Variants in IFT88 observed in about 807,000 individuals in gnomAD.
The protein encoded by IFT88 is intraflagellar transport protein 88 homolog.
Under a neutral mutation model 119.5 loss-of-function variants are expected in IFT88, and 74 were observed. The ratio of observed to expected loss-of-function variants is 0.62; its 90% CI spans 0.51 to 0.75. IFT88 has a LOEUF of 0.75. Ranked by LOEUF, IFT88 falls within the 30% of genes least tolerant of loss-of-function variation. IFT88 has a pLI of 0.00. For synonymous variants in IFT88, 279 were observed against 316.7 expected (o/e 0.88, Z 1.26); for missense variants, 961 against 977.7 (o/e 0.98, Z 0.23).
chr13:20,652,521 C>G (rs2140506677), intron 20 of IFT88, among the ~76,000 whole-genome samples: 1 of 151,798 alleles, frequency 6.6e-6, no homozygotes. Context: ...GTGGTCCCAG[C>G]TACTTGGGAG....
intron 22 of IFT88, among the ~76,000 whole-genome samples, chr13:20,663,066 CTTAA>C (rs993358967): frequency 4.6e-5 from 7 of 152,144 alleles, no homozygotes; most frequent in Non-Finnish European, 8.8e-5. Flanking sequence ...GTGAATAATA[CTTAA>C]TTTAAAAATG....
chr13:20,658,532 T>C (rs993393447), intron 22 of IFT88, among the ~76,000 whole-genome samples: 14 of 152,346 alleles, frequency 9.2e-5, no homozygotes, highest in Admixed American at 2.0e-4. Flanking sequence ...ACTAGTGCTT[T>C]AGAGATTAAA....
intron 7 of IFT88, among the ~76,000 whole-genome samples, chr13:20,595,399 C>T (rs1294641048): frequency 6.6e-6 from 1 of 151,964 alleles, no homozygotes; most frequent in Non-Finnish European, 1.5e-5. Context: ...GCAATATTCT[C>T]CTGCCTCAGC....
chr13:20,670,334 T>C (rs1310810345), intron 23 of IFT88, among the ~76,000 whole-genome samples: 1 of 152,100 alleles, frequency 6.6e-6, no homozygotes. Context: ...ACAAAAATTC[T>C]AATACTTAGG....
intron 7 of IFT88, among the ~76,000 whole-genome samples, chr13:20,593,327 G>A (rs1326860343): frequency 6.6e-6 from 1 of 152,106 alleles, no homozygotes; most frequent in Non-Finnish European, 1.5e-5. Flanking sequence ...TATGAAAACA[G>A]AGCTATTATT....
At chr13:20,598,352 C>T (rs1362071991) in intron 9 of IFT88, among the ~76,000 whole-genome samples, 1 of 152,098 alleles carries the variant, frequency 6.6e-6, no homozygotes, top group African/African-American at 2.4e-5. Context: ...TGATCACCAG[C>T]AGCATTAATG....
At chr13:20,579,216 G>A (rs1453700824) in intron 2 of IFT88, among the ~76,000 whole-genome samples, 1 of 152,172 alleles carries the variant, frequency 6.6e-6, no homozygotes, top group Non-Finnish European at 1.5e-5. Flanking sequence ...AGCCAGGCTT[G>A]TATCCTTCCC....
chr13:20,577,145 C>A (rs188051747), intron 2 of IFT88, among the ~76,000 whole-genome samples: 2 of 152,038 alleles, frequency 1.3e-5, no homozygotes, highest in Non-Finnish European at 2.9e-5. Context: ...GGATTACTTT[C>A]GTGATTTATT....
At chr13:20,632,355 A>C (rs1376524002) in intron 16 of IFT88, among the ~76,000 whole-genome samples, 1 of 152,174 alleles carries the variant, frequency 6.6e-6, no homozygotes, top group African/African-American at 2.4e-5. Context: ...ATAACTGTTC[A>C]TGCTGAGGTT....
At chr13:20,656,777 A>C (rs2052874641) in intron 22 of IFT88, among the ~76,000 whole-genome samples, 1 of 152,234 alleles carries the variant, frequency 6.6e-6, no homozygotes, top group South Asian at 2.1e-4. Context: ...TTAACTGTCC[A>C]TTTTAGTAAA....
intron 24 of IFT88, among the ~76,000 whole-genome samples, chr13:20,685,254 G>T (rs183319327): frequency 8.5e-5 from 13 of 152,072 alleles, no homozygotes; most frequent in Admixed American, 2.0e-4. Flanking sequence ...TCCCGGGGGT[G>T]GGGGGGCCAG....
chr13:20,691,057 C>T lies in IFT88; in HGVS notation c.2357C>T (p.Ala786Val), dbSNP rs1320956544. 3 of 1,612,474 alleles carry T rather than the reference C, an allele frequency of 1.9e-6. No individual in the cohort carries two copies. The highest frequency in any genetic ancestry group is 2.2e-5 in the East Asian group (1 of 44,888). Reference sequence around the variant, plus strand: ...TGACAATCTCTTCGAAACCTAGATGCCTCCTATGTGGACCCACTTGGCCCT... The same window carrying T: ...TGACAATCTCTTCGAAACCTAGATGTCTCCTATGTGGACCCACTTGGCCCT... ...YESSSNKEID[A>V]SYVDPLGPQI... Residue 786 changes from alanine to valine, a missense_variant, in exon 26 of 26, where the codon GCC (alanine) becomes GTC (valine). Transcript: ENST00000351808.
intron 18 of IFT88, chr13:20,642,479 C>CCG (rs2050102132): frequency 6.6e-6 from 1 of 152,028 alleles, no homozygotes; most frequent in Non-Finnish European, 1.5e-5. Context: ...TGGCAGGCAC[C>CCG]TGTAATCCCA....
Position 20,598,649 on chromosome 13 carries a change from A to C in IFT88, c.595-2A>C. On this transcript the variant is annotated splice_acceptor_variant, in intron 9 of 25. Coordinates refer to ENST00000351808, the MANE Select transcript of IFT88 (RefSeq NM_006531.5). LOFTEE classifies it high-confidence loss of function. Reference sequence around the variant, plus strand: ...TCTTTTCTATAATATTTTCTTCCTTAGGTTCTTTTCAATTTGGCCAGTCAG... The same window carrying C: ...TCTTTTCTATAATATTTTCTTCCTTCGGTTCTTTTCAATTTGGCCAGTCAG... 2 of 1,572,848 alleles carry C rather than the reference A, an allele frequency of 1.3e-6. No homozygotes were observed. The highest frequency in any genetic ancestry group is 1.7e-6 in the Non-Finnish European group (2 of 1,143,636).
At chr13:20,595,091 T>G (rs1473902062) in intron 7 of IFT88, among the ~76,000 whole-genome samples, 3 of 152,150 alleles carry the variant, frequency 2.0e-5, no homozygotes, top group Admixed American at 6.5e-5. Flanking sequence ...TTTAAACTTC[T>G]TCACCTCATT....
intron 1 of IFT88, among the ~76,000 whole-genome samples, chr13:20,571,602 A>G (rs2036377757): frequency 6.6e-6 from 1 of 152,196 alleles, no homozygotes; most frequent in African/African-American, 2.4e-5. Context: ...GAAATTTTAC[A>G]TTTTTATTTG....
chr13:20,569,565 T>A (rs2035813424), intron 1 of IFT88, among the ~76,000 whole-genome samples: 1 of 139,384 alleles, frequency 7.2e-6, no homozygotes, highest in East Asian at 2.2e-4. Flanking sequence ...AGAGCGAGAC[T>A]CCGTCCCAAA....
In IFT88 at chr13:20,607,538, G is replaced by A. The variant is rs371586294; in HGVS notation, c.1112+2433G>A. ...GGGAGGCCGCCACGCTGTGCTTCTT[G>A]TTTCAGAACATTTTCTCCAAAAAGA... is the stretch of plus-strand genomic sequence containing the variant. On this transcript the variant is annotated intron_variant, in intron 13 of 25. Transcript: ENST00000351808. 1.5e-3 allele frequency: 1,041 copies of A among 707,506 alleles called. 18 individuals carry two copies. The South Asian group carries it at 0.015, about 10-fold the overall frequency. 43.8% of individuals were successfully genotyped at this position (707,506 alleles called of 1,614,324 possible).
chr13:20,596,683 TCTTTA>T (rs1409684378), intron 8 of IFT88, among the ~76,000 whole-genome samples: 1 of 152,228 alleles, frequency 6.6e-6, no homozygotes, highest in African/African-American at 2.4e-5. Flanking sequence ...TAAATATCAA[TCTTTA>T]CTTTTAATTT....
Sources: gnomAD v4.1 joint callset for allele counts (sites outside exome capture counted in the v4.1 genomes callset) on GRCh38, gnomAD v4.1.1 for gene constraint, MANE v1.5 for transcripts, NCBI Gene and HGNC (gene_info 2026-07-23, HGNC 2026-07-21) for gene names.